Variants in ATXN8OS observed in about 807,000 individuals in gnomAD.
ATXN8OS encodes ATXN8 opposite strand lncRNA, also known as ATXN8 opposite strand (non-protein coding).
chr13:70,144,983 G>T (rs1157648868), intron 3 of ATXN8OS, among the ~76,000 whole-genome samples: 1 of 151,986 alleles, frequency 6.6e-6, no homozygotes. Context: ...AAGTGTTGTA[G>T]GTCTAACATG....
chr13:70,144,844 T>C (rs766115447), intron 3 of ATXN8OS, among the ~76,000 whole-genome samples: 2 of 152,168 alleles, frequency 1.3e-5, no homozygotes, highest in Non-Finnish European at 2.9e-5. Context: ...TTTAGATCTG[T>C]GATACATTTA....
In ATXN8OS at chr13:70,131,481, T is replaced by A. The variant is rs559315130; in HGVS notation, n.499+1597T>A. Reference sequence around the variant, plus strand: ...CTTCTGTCCCTTACCTTTTCTCCAGTCTCATTTTACATATTTTTTTACATG... The same window carrying A: ...CTTCTGTCCCTTACCTTTTCTCCAGACTCATTTTACATATTTTTTTACATG... On this transcript the variant is annotated intron_variant and non_coding_transcript_variant, in intron 3 of 4. Transcript: ENST00000678624. The A allele has an allele frequency of 7.7e-4, 305 of 398,462 alleles. 1 individual carries two copies. The highest frequency in any genetic ancestry group is 5.9e-3 in the African/African-American group (287 of 48,730). 24.7% of individuals were successfully genotyped at this position (398,462 alleles called of 1,614,324 possible).
chr13:70,115,027 CGTGTGT>C (rs36110832), intron 1 of ATXN8OS: 16 of 369,790 alleles, frequency 4.3e-5, no homozygotes, highest in East Asian at 7.7e-5. Context: ...CTCTTTCTAA[CGTGTGT>C]GTGTGTGTGT....
At chr13:70,137,169 T>C (rs534475140) in intron 3 of ATXN8OS, among the ~76,000 whole-genome samples, 67 of 152,330 alleles carry the variant, frequency 4.4e-4, no homozygotes, top group Non-Finnish European at 7.8e-4. Flanking sequence ...TAATCATTAA[T>C]AGTCACTGGT....
chr13:70,141,528 C>T (rs1888715209), intron 3 of ATXN8OS, among the ~76,000 whole-genome samples: 1 of 151,946 alleles, frequency 6.6e-6, no homozygotes, highest in Non-Finnish European at 1.5e-5. Context: ...ATAGTATCCC[C>T]TGGGAAAAAG....
chr13:70,138,556 TTAA>T (rs1468730170), intron 3 of ATXN8OS, among the ~76,000 whole-genome samples: 1 of 152,122 alleles, frequency 6.6e-6, no homozygotes, highest in Non-Finnish European at 1.5e-5. Flanking sequence ...TATAGATTTA[TTAA>T]TAAACTCAAC....
intron 3 of ATXN8OS, among the ~76,000 whole-genome samples, chr13:70,145,786 G>A (rs1423259908): frequency 6.6e-6 from 1 of 152,104 alleles, no homozygotes; most frequent in Admixed American, 6.6e-5. Flanking sequence ...ATACAATCAT[G>A]TCATCTGCAA....
intron 2 of ATXN8OS, among the ~76,000 whole-genome samples, chr13:70,129,453 T>C (rs1798881188): frequency 6.6e-6 from 1 of 151,858 alleles, no homozygotes; most frequent in Admixed American, 6.6e-5. Flanking sequence ...TTCTTGGTCC[T>C]TGGATACACT....
exon 1 of ATXN8OS, chr13:70,107,853 T>C: frequency 1.6e-6 from 1 of 606,316 alleles, no homozygotes; most frequent in Non-Finnish European, 2.7e-6. Flanking sequence ...CTGCGCGCTC[T>C]GCCAGGCGAA....
At chr13:70,138,807 A>G (rs1311988382) in intron 3 of ATXN8OS, among the ~76,000 whole-genome samples, 1 of 152,112 alleles carries the variant, frequency 6.6e-6, no homozygotes, top group Non-Finnish European at 1.5e-5. Flanking sequence ...ATAATGTAAA[A>G]ATTCATAATG....
At chr13:70,158,308 C>A (rs1888962197) in intron 4 of ATXN8OS, among the ~76,000 whole-genome samples, 1 of 152,104 alleles carries the variant, frequency 6.6e-6, no homozygotes, top group South Asian at 2.1e-4. Flanking sequence ...ATCTCAGCTA[C>A]TTGGGAGGCT....
chr13:70,147,863 T>C (rs7334510), intron 4 of ATXN8OS, among the ~76,000 whole-genome samples: 13,910 of 152,156 alleles, frequency 0.091, 700 homozygotes, highest in Middle Eastern at 0.19. Context: ...TTTGATTTTA[T>C]ACATTTTATG....
chr13:70,113,803 G>A (rs1888234995), intron 1 of ATXN8OS, among the ~76,000 whole-genome samples: 1 of 151,938 alleles, frequency 6.6e-6, no homozygotes. Flanking sequence ...TCATTCACCT[G>A]CATTATTACC....
intron 2 of ATXN8OS, among the ~76,000 whole-genome samples, chr13:70,119,895 A>G (rs9572374): frequency 0.16 from 23,571 of 143,872 alleles, 2,311 homozygotes; most frequent in African/African-American, 0.3. Flanking sequence ...ATATTTCATG[A>G]TATATATGCA....
chr13:70,149,637 T>C (rs1888838117), intron 4 of ATXN8OS, among the ~76,000 whole-genome samples: 1 of 152,170 alleles, frequency 6.6e-6, no homozygotes, highest in African/African-American at 2.4e-5. Flanking sequence ...AAATATTTAC[T>C]GAATATCACT....
chr13:70,139,320 C>A (rs1888662436), intron 3 of ATXN8OS: 1 of 611,072 alleles, frequency 1.6e-6, no homozygotes, highest in South Asian at 2.3e-5. Context: ...CTTGGCTAGA[C>A]CCTGGGTCCT....
chr13:70,168,106 G>GT (rs1350183951), intron 4 of ATXN8OS, among the ~76,000 whole-genome samples: 3 of 151,816 alleles, frequency 2.0e-5, no homozygotes, highest in Non-Finnish European at 2.9e-5. Flanking sequence ...TACTTTTTTT[G>GT]TTCTTTGCTG....
At chr13:70,139,422 G>T in intron 3 of ATXN8OS, 1 of 771,566 alleles carries the variant, frequency 1.3e-6, no homozygotes, top group East Asian at 2.7e-5. Context: ...TGCTGCTGCT[G>T]CTGCTGCATT....
intron 4 of ATXN8OS, among the ~76,000 whole-genome samples, chr13:70,154,936 G>A (rs979797015): frequency 1.3e-5 from 2 of 152,182 alleles, no homozygotes; most frequent in African/African-American, 2.4e-5. Context: ...CAGTGGTCAT[G>A]TGAAATCCTG....
Sources: allele counts gnomAD v4.1 joint callset (sites outside exome capture counted in the v4.1 genomes callset), GRCh38; gene constraint gnomAD v4.1.1; transcripts MANE v1.5; gene names NCBI Gene and HGNC (gene_info 2026-07-23, HGNC 2026-07-21).